The following SH3RF3 variants were observed in gnomAD, a reference collection of about 807,000 sequenced individuals.
The protein encoded by SH3RF3 is SH3 domain containing ring finger 3.
Under a neutral mutation model 66.3 loss-of-function variants are expected in SH3RF3, and 29 were observed. The ratio of observed to expected loss-of-function variants is 0.44; its 90% confidence interval spans 0.33 to 0.60. The LOEUF is 0.60. Among genes scored for constraint, SH3RF3 ranks in the 20% least tolerant of loss-of-function variants. The probability of loss-of-function intolerance (pLI) is 0.04; values close to 1 mark genes in which losing one functional copy is unlikely to be tolerated. For synonymous variants in SH3RF3, 583 were observed against 532.0 expected, an observed-to-expected ratio of 1.10 and a Z score of -1.32; for missense variants, 1,194 against 1,190.9, an observed-to-expected ratio of 1.00 and a Z score of -0.04.
At chr2:109,361,672 C>T (rs1485819559) in intron 2 of SH3RF3, among the ~76,000 whole-genome samples, 5 of 152,118 alleles carry the variant, frequency 3.3e-5, no homozygotes, top group Non-Finnish European at 7.3e-5. Context: ...GATGGGGTTT[C>T]ACCATGTTGG....
chr2:109,488,939 C>G (rs1679052653), intron 8 of SH3RF3, among the ~76,000 whole-genome samples: 1 of 152,222 alleles, frequency 6.6e-6, no homozygotes, highest in South Asian at 2.1e-4. Flanking sequence ...CTGCATGGCT[C>G]AGAGCTGGGC....
chr2:109,198,077 G>T (rs919510), intron 1 of SH3RF3, among the ~76,000 whole-genome samples: 121,678 of 152,010 alleles, frequency 0.8, 48,888 homozygotes, highest in East Asian at 0.86. Flanking sequence ...GTCAGTTGGG[G>T]GTGCTCGGGA....
At chr2:109,460,712 C>T (rs1678188606) in intron 8 of SH3RF3, among the ~76,000 whole-genome samples, 1 of 152,202 alleles carries the variant, frequency 6.6e-6, no homozygotes, top group South Asian at 2.1e-4. Flanking sequence ...TTCCAATTTC[C>T]TTGTCACCAA....
chr2:109,335,233 T>C (rs371100832), intron 1 of SH3RF3, among the ~76,000 whole-genome samples: 1 of 152,250 alleles, frequency 6.6e-6, no homozygotes, highest in South Asian at 2.1e-4. Context: ...CTGTGGGGAC[T>C]GTGGGGCAAG....
Position 109,348,343 on chromosome 2 carries a change from A to G in SH3RF3, c.849+394A>G, listed in dbSNP as rs147030966. Among the ~76,000 whole-genome samples the G allele has an allele frequency of 8.6e-3, 1,306 of 152,316 alleles. 12 individuals carry two copies. The highest frequency in any genetic ancestry group is 0.013 in the South Asian group (63 of 4,826). ...CCTGTGAGAGGGGCTCATCAGGGGAAACTGCTACAGAGACCCTGGTCAGCT... is the reference window on the plus strand; with the variant it reads ...CCTGTGAGAGGGGCTCATCAGGGGAGACTGCTACAGAGACCCTGGTCAGCT... On this transcript the variant is annotated intron_variant, in intron 2 of 9. Transcript: ENST00000309415.
intron 1 of SH3RF3, among the ~76,000 whole-genome samples, chr2:109,166,967 C>G (rs1420364789): frequency 1.3e-5 from 2 of 152,168 alleles, no homozygotes; most frequent in African/African-American, 4.8e-5. Flanking sequence ...TGTAAAAGGG[C>G]CATCCCCTTT....
chr2:109,272,441 C>T (rs1390480508), intron 1 of SH3RF3, among the ~76,000 whole-genome samples: 1 of 152,230 alleles, frequency 6.6e-6, no homozygotes, highest in Non-Finnish European at 1.5e-5. Context: ...CACCAGCATC[C>T]CGCAGCTCCA....
intron 1 of SH3RF3, among the ~76,000 whole-genome samples, chr2:109,326,600 G>A (rs1345913441): frequency 1.3e-5 from 2 of 152,214 alleles, no homozygotes; most frequent in Non-Finnish European, 2.9e-5. Context: ...TACCAATGCT[G>A]TTGAGTCACT....
chr2:109,430,394 TC>T (rs1161423975), intron 5 of SH3RF3, among the ~76,000 whole-genome samples: 1 of 152,100 alleles, frequency 6.6e-6, no homozygotes, highest in South Asian at 2.1e-4. Context: ...CCTGCACTCT[TC>T]CTCTCCTCTT....
intron 1 of SH3RF3, among the ~76,000 whole-genome samples, chr2:109,312,182 G>A (rs6542815): frequency 0.31 from 47,444 of 152,040 alleles, 9,181 homozygotes; most frequent in African/African-American, 0.55. Context: ...AAAGTCTAAT[G>A]AAAATCTTAC....
intron 1 of SH3RF3, among the ~76,000 whole-genome samples, chr2:109,299,027 C>G (rs762204153): frequency 6.6e-6 from 1 of 152,232 alleles, no homozygotes; most frequent in African/African-American, 2.4e-5. Flanking sequence ...ATGTCTCCCC[C>G]CAGTGCCCTC....
chr2:109,208,792 T>G (rs1678900180), intron 1 of SH3RF3, among the ~76,000 whole-genome samples: 1 of 152,182 alleles, frequency 6.6e-6, no homozygotes, highest in South Asian at 2.1e-4. Flanking sequence ...GAAATACATG[T>G]GTTGAGCAGA....
At chr2:109,297,326 T>G (rs1681339451) in intron 1 of SH3RF3, among the ~76,000 whole-genome samples, 1 of 152,204 alleles carries the variant, frequency 6.6e-6, no homozygotes, top group East Asian at 1.9e-4. Context: ...GATGAGACCC[T>G]TTGCTCAGTT....
chr2:109,497,628 G>A (rs1045701069), intron 9 of SH3RF3, among the ~76,000 whole-genome samples: 1 of 152,168 alleles, frequency 6.6e-6, no homozygotes, highest in South Asian at 2.1e-4. Context: ...ACGGCGCTCT[G>A]TGTCTATAAC....
In SH3RF3 at chr2:109,244,288, C is replaced by T. The variant is rs1679858799; in HGVS notation, c.574-103386C>T. Among the ~76,000 whole-genome samples, 5 of 152,292 alleles carry T rather than the reference C, an allele frequency of 3.3e-5. No homozygotes were observed. In the South Asian group the frequency reaches 1.0e-3, roughly 32 times the overall value. On this transcript the variant is annotated intron_variant, in intron 1 of 9. Coordinates refer to ENST00000309415, the MANE Select transcript of SH3RF3 (RefSeq NM_001099289.3). ...GGTACAACAAAGCATTATGCAACAG[C>T]TTCTTCAGGCAAATGTGCACATTTT...
chr2:109,215,039 C>G (rs1659220241), intron 1 of SH3RF3, among the ~76,000 whole-genome samples: 1 of 152,226 alleles, frequency 6.6e-6, no homozygotes, highest in African/African-American at 2.4e-5. Flanking sequence ...TTTTGTACTT[C>G]TAACCAGTAA....
chr2:109,404,408 C>T (rs2104460393), intron 4 of SH3RF3, among the ~76,000 whole-genome samples: 1 of 152,280 alleles, frequency 6.6e-6, no homozygotes, highest in Non-Finnish European at 1.5e-5. Flanking sequence ...TCTGAGTAGC[C>T]ATGTGGGAAA....
At chr2:109,144,965 A>C (rs1329572992) in intron 1 of SH3RF3, among the ~76,000 whole-genome samples, 1 of 152,214 alleles carries the variant, frequency 6.6e-6, no homozygotes. Context: ...ATCTCAGGGC[A>C]GCGGGCTCAC....
intron 1 of SH3RF3, among the ~76,000 whole-genome samples, chr2:109,296,036 T>C (rs1681298384): frequency 6.6e-6 from 1 of 152,072 alleles, no homozygotes; most frequent in South Asian, 2.1e-4. Context: ...CTGAAGGTGC[T>C]GTAATGAAGT....
Sources: allele counts gnomAD v4.1 joint callset (sites outside exome capture counted in the v4.1 genomes callset), GRCh38; gene constraint gnomAD v4.1.1; transcripts MANE v1.5; gene names NCBI Gene and HGNC (gene_info 2026-07-23, HGNC 2026-07-21).